Variants in RSF1 observed in about 807,000 individuals in gnomAD.
RSF1 encodes remodeling and spacing factor 1.
A neutral mutation model predicts 145.2 loss-of-function variants in RSF1; 13 were observed. The ratio of observed to expected loss-of-function variants is 0.09; its 90% confidence interval spans 0.06 to 0.14. The LOEUF is 0.14. Among genes scored for constraint, RSF1 ranks in the 10% least tolerant of loss-of-function variants. RSF1 has a pLI of 1.00. For synonymous variants in RSF1, 577 were observed against 592.6 expected, an observed-to-expected ratio of 0.97 and a Z score of 0.38; for missense variants, 1,517 against 1,718.2, an observed-to-expected ratio of 0.88 and a Z score of 2.07.
the RSF1 span, among the ~76,000 whole-genome samples, chr11:77,832,987 GTGTGTGTGTGTA>G: frequency 3.9e-4 from 10 of 25,434 alleles, no homozygotes; most frequent in East Asian, 1.1e-3. Flanking sequence ...GTGTGTGTGT[GTGTGTGTGTGTA>G]TATATATATA....
At chr11:77,747,749 TTC>T (rs1332066551) in intron 2 of RSF1, among the ~76,000 whole-genome samples, 1 of 152,076 alleles carries the variant, frequency 6.6e-6, no homozygotes, top group African/African-American at 2.4e-5. Context: ...GCAAGAAACT[TTC>T]TCTCATTTCA....
chr11:77,700,701 A>G lies in RSF1; in HGVS notation c.2508+20T>C. The G allele has an allele frequency of 1.3e-6, 2 of 1,515,424 alleles. No homozygotes were observed. Among genetic ancestry groups the G allele is most frequent in the South Asian group, 1.3e-5 (1 of 75,798 alleles). 93.9% of individuals were successfully genotyped at this position (1,515,424 alleles called of 1,614,324 possible). On this transcript the variant is annotated intron_variant, in intron 6 of 15. Coordinates refer to ENST00000308488, the MANE Select transcript of RSF1 (RefSeq NM_016578.4). Reference sequence around the variant, plus strand: ...TATATAGAGACAAATATTTTTAATTAAAGTTAAGACAAGTTTTACCTTGCT... The same window carrying G: ...TATATAGAGACAAATATTTTTAATTGAAGTTAAGACAAGTTTTACCTTGCT...
intron 1 of RSF1, among the ~76,000 whole-genome samples, chr11:77,814,310 C>T (rs1368546314): frequency 2.6e-5 from 4 of 152,020 alleles, no homozygotes; most frequent in Non-Finnish European, 4.4e-5. Flanking sequence ...CCAGCCTGGA[C>T]AATACAGCAA....
chr11:77,688,018 T>C (rs1960055308), intron 9 of RSF1, among the ~76,000 whole-genome samples: 1 of 151,970 alleles, frequency 6.6e-6, no homozygotes, highest in Admixed American at 6.6e-5. Context: ...CAGCTGGGAG[T>C]AGTGGCTCAT....
chr11:77,810,395 G>C (rs1327066552), intron 1 of RSF1, among the ~76,000 whole-genome samples: 6 of 152,102 alleles, frequency 3.9e-5, no homozygotes, highest in African/African-American at 1.4e-4. Flanking sequence ...TCATCACCTT[G>C]TTAACAAAAA....
chr11:77,672,156 T>G lies in RSF1; in HGVS notation c.3637A>C (p.Arg1213=). 6.2e-7 allele frequency: 1 copy of G among 1,614,022 alleles called. No individual in the cohort carries two copies. Residue 1213 remains arginine, a synonymous_variant, in exon 15 of 16, where the codon AGA becomes CGA. Transcript: ENST00000308488. ...RRRRSRRNQK[R]QINYKEDSES... ...GAGTCTTCTTTGTAGTTAATTTGTC[T>G]TTTCTGATTTCTCCTTGACCGCCTT...
chr11:77,752,580 TTCTC>T (rs1413466934), intron 2 of RSF1, among the ~76,000 whole-genome samples: 1 of 152,140 alleles, frequency 6.6e-6, no homozygotes, highest in Non-Finnish European at 1.5e-5. Flanking sequence ...CTGAGAGCTA[TTCTC>T]TCTTTTGCCT....
upstream of RSF1, chr11:77,820,943 C>T (rs772501348): frequency 7.8e-4 from 435 of 554,742 alleles, no homozygotes; most frequent in Non-Finnish European, 1.1e-3. Context: ...TTTCACTTTC[C>T]GCCCTCTTTC....
chr11:77,855,755 T>C, the RSF1 span, among the ~76,000 whole-genome samples: 1 of 132,996 alleles, frequency 7.5e-6, no homozygotes, highest in Non-Finnish European at 1.5e-5. Context: ...AATATGAGCA[T>C]AGGCTGCTAG....
intron 1 of RSF1, among the ~76,000 whole-genome samples, chr11:77,778,466 T>C (rs890745647): frequency 6.6e-6 from 1 of 152,140 alleles, no homozygotes; most frequent in Non-Finnish European, 1.5e-5. Flanking sequence ...TTATCAAACA[T>C]GTGGAAACTT....
At chr11:77,843,680 T>C in the RSF1 span, among the ~76,000 whole-genome samples, 3 of 152,210 alleles carry the variant, frequency 2.0e-5, no homozygotes, top group Non-Finnish European at 4.4e-5. Flanking sequence ...TATTTATTTC[T>C]CACAGTTCTG....
At chr11:77,697,963 G>A (rs971458832) in intron 7 of RSF1, among the ~76,000 whole-genome samples, 2 of 152,084 alleles carry the variant, frequency 1.3e-5, no homozygotes, top group Non-Finnish European at 2.9e-5. Flanking sequence ...TTTACTTAAA[G>A]CTGGCACTTC....
At position 77,700,992 on chromosome 11, in the gene RSF1, G is replaced by A. The variant is rs781442025; in HGVS notation, c.2237C>T (p.Pro746Leu). The part of the protein sequence containing the change: ...TIRISSRKKK[P>L]DSPPKVLEPE... ...TTCTAGAACTTTGGGGGGAGAATCG[G>A]GCTTCTTTTTCCGACTTGATATCCT... The change falls in exon 6 of 16, where the codon CCC (proline) becomes CTC (leucine). Residue 746 changes from proline (P) to leucine (L), a missense_variant. By Grantham distance (98) the Pro-to-Leu change is moderately conservative. Around this residue, in one of 12 missense-constraint regions of RSF1, gnomAD observed 579 missense variants for 553.5 expected, o/e 1.05. Transcript: ENST00000308488. 64 of 1,613,296 alleles carry A rather than the reference G, an allele frequency of 4.0e-5. No individual in the cohort carries two copies. In the Admixed American group the frequency reaches 1.1e-3, roughly 26 times the overall value.
At chr11:77,793,727 C>A (rs1041527958) in intron 1 of RSF1, among the ~76,000 whole-genome samples, 3 of 152,134 alleles carry the variant, frequency 2.0e-5, no homozygotes, top group Non-Finnish European at 4.4e-5. Flanking sequence ...AGGCAGGTAT[C>A]CCCTACCTCC....
At chr11:77,791,048 GCT>G (rs1377492830) in intron 1 of RSF1, among the ~76,000 whole-genome samples, 2 of 152,198 alleles carry the variant, frequency 1.3e-5, no homozygotes, top group Non-Finnish European at 2.9e-5. Context: ...AGGGGTTTCA[GCT>G]CCACATTTCC....
the RSF1 span, among the ~76,000 whole-genome samples, chr11:77,834,797 A>T: frequency 6.6e-6 from 1 of 152,200 alleles, no homozygotes; most frequent in East Asian, 1.9e-4. Flanking sequence ...TAGTATCAAG[A>T]TAAGGAGGTA....
upstream of RSF1, among the ~76,000 whole-genome samples, chr11:77,823,916 TAAA>T (rs557186061): frequency 1.5e-5 from 2 of 133,748 alleles, no homozygotes; most frequent in Non-Finnish European, 1.6e-5. Context: ...AATAACATTC[TAAA>T]AAAAAAAAAA....
chr11:77,819,644 T>C (rs562680111), intron 1 of RSF1, among the ~76,000 whole-genome samples: 114 of 152,220 alleles, frequency 7.5e-4, no homozygotes, highest in African/African-American at 2.5e-3. Flanking sequence ...TCCTCCAGCT[T>C]ACATACTAAC....
intron 1 of RSF1, among the ~76,000 whole-genome samples, chr11:77,784,427 T>C (rs192224219): frequency 2.6e-5 from 4 of 152,292 alleles, no homozygotes; most frequent in Admixed American, 2.0e-4. Flanking sequence ...CTTATTTTAC[T>C]GTCCTTGTCT....
Sources: gnomAD v4.1 joint callset for allele counts (sites outside exome capture counted in the v4.1 genomes callset) on GRCh38, gnomAD v4.1.1 for gene constraint, gnomAD v4.1.1 regional missense constraint, MANE v1.5 for transcripts, NCBI Gene and HGNC (gene_info 2026-07-23, HGNC 2026-07-21) for gene names.